TTC34: variants seen among roughly 807,000 people sequenced by gnomAD.
TTC34 encodes tetratricopeptide repeat domain 34.
Under a neutral mutation model 40.7 loss-of-function variants are expected in TTC34, and 44 were observed. The observed-to-expected ratio is 1.08, with a 90% CI of 0.85 to 1.39. The LOEUF (loss-of-function observed/expected upper bound fraction) is 1.39, where lower values mean the gene tolerates loss of function less well. Among genes scored for constraint, TTC34 ranks in the 40% most tolerant of loss-of-function variants. TTC34 has a pLI of 0.00. For synonymous variants in TTC34, 422 were observed against 398.6 expected (o/e 1.06, Z -0.70); for missense variants, 884 against 838.0 (o/e 1.05, Z -0.68).
chr1:2,749,516 ACC>A (rs1641248580), intron 6 of TTC34, among the ~76,000 whole-genome samples: 1 of 59,686 alleles, frequency 1.7e-5, no homozygotes, highest in Admixed American at 1.7e-4. Flanking sequence ...CTGGAGCAGC[ACC>A]CAGATTCCCA....
chr1:2,759,656 AC>A (rs1641627306), intron 6 of TTC34, among the ~76,000 whole-genome samples: 1 of 151,342 alleles, frequency 6.6e-6, no homozygotes, highest in African/African-American at 2.4e-5. Context: ...TGAGCATTCG[AC>A]AGCCTGGAGC....
intron 3 of TTC34, 122 bp downstream of exon 3, chr1:2,789,381 G>T (rs1643633572): frequency 2.0e-6 from 2 of 993,498 alleles, no homozygotes; most frequent in East Asian, 6.4e-5. Context: ...CGGGTGCTTT[G>T]GGAAGTCACC....
At chr1:2,784,369 A>G (rs754195714) in intron 5 of TTC34, among the ~76,000 whole-genome samples, 42 of 152,334 alleles carry the variant, frequency 2.8e-4, no homozygotes, top group Non-Finnish European at 5.3e-4. Context: ...GTATGGGAGG[A>G]ACATGAAAGT....
At position 2,748,494 on chromosome 1, in the gene TTC34, T is replaced by A. The variant is rs1184473223; in HGVS notation, c.2226+35115A>T. 1.8e-3 allele frequency among the ~76,000 whole-genome samples: 237 copies of A among 134,834 alleles called. 3 individuals are homozygous for A. The highest frequency in any genetic ancestry group is 5.2e-3 in the African/African-American group (189 of 36,078). The allele number at this position is 134,834 out of a possible 152,430, so 88.5% of individuals were successfully genotyped here. A position where few individuals can be genotyped will look rare whatever the true frequency, so the allele number is the denominator to read the frequency against. Reference sequence around the variant, plus strand: ...AGCACCCCACATCCCCGGGTGAGCATCCGATAGCCTGGAGCAGCACCCACA... The same window carrying A: ...AGCACCCCACATCCCCGGGTGAGCAACCGATAGCCTGGAGCAGCACCCACA... On this transcript the variant is annotated intron_variant, in intron 6 of 8. Transcript: ENST00000401095.
At chr1:2,692,985 G>C (rs1224534955) in intron 6 of TTC34, among the ~76,000 whole-genome samples, 2 of 40,786 alleles carry the variant, frequency 4.9e-5, no homozygotes, top group Non-Finnish European at 1.0e-4. Context: ...AGCACCCACA[G>C]ACCAAGGTGA....
At chr1:2,753,234 C>T (rs1319090157) in intron 6 of TTC34, among the ~76,000 whole-genome samples, 18 of 123,274 alleles carry the variant, frequency 1.5e-4, no homozygotes, top group African/African-American at 5.2e-4. Flanking sequence ...GAGCATCTGA[C>T]AGCCTGGAGC....
chr1:2,693,228 A>C (rs1167120602), intron 6 of TTC34, among the ~76,000 whole-genome samples: 65 of 86,166 alleles, frequency 7.5e-4, no homozygotes, highest in South Asian at 1.2e-3. Context: ...ACCCACACCC[A>C]CAGGTGAGCA....
chr1:2,645,808 G>T lies in TTC34; in HGVS notation c.2227-245C>A, dbSNP rs1240013935. On this transcript the variant is annotated intron_variant, in intron 6 of 8. Transcript: ENST00000401095. The surrounding 1 kb of genome is among the most constrained non-coding windows in gnomAD (Gnocchi z 4.7). ...CTCACTGACCTTGACTCTGAAAGTT[G>T]TCAGGCTCAGAACCCCTTTTCTGAG... Among the ~76,000 whole-genome samples the T allele has an allele frequency of 6.6e-6, 1 of 152,130 alleles. No homozygotes were observed. The highest frequency in any genetic ancestry group is 1.5e-5 in the Non-Finnish European group (1 of 68,014).
intron 6 of TTC34, among the ~76,000 whole-genome samples, chr1:2,681,828 C>T (rs1366114283): frequency 1.6e-5 from 2 of 123,132 alleles, no homozygotes; most frequent in South Asian, 5.4e-4. Flanking sequence ...CCGACACCCA[C>T]AGGTGAGCAT....
intron 6 of TTC34, chr1:2,775,225 A>C (rs1295093387): frequency 6.8e-6 from 1 of 147,008 alleles, no homozygotes; most frequent in African/African-American, 2.6e-5. Context: ...AACAGCATCC[A>C]CACCCCCAGG....
At chr1:2,785,508 A>T (rs1643571272) in intron 5 of TTC34, among the ~76,000 whole-genome samples, 1 of 152,130 alleles carries the variant, frequency 6.6e-6, no homozygotes. Context: ...CCTTGTCATT[A>T]GCTAGGAAAG....
exon 9 of TTC34, chr1:2,641,318 C>T: frequency 5.5e-6 from 8 of 1,449,184 alleles, no homozygotes; most frequent in Non-Finnish European, 7.3e-6. Context: ...ACATCAGGTG[C>T]AGATGCTAGG....
intron 6 of TTC34, among the ~76,000 whole-genome samples, chr1:2,773,336 A>C (rs1303851376): frequency 2.5e-5 from 2 of 79,522 alleles, no homozygotes; most frequent in Non-Finnish European, 5.2e-5. Context: ...CAGCGTCCAC[A>C]CCCCCAGGTG....
rs1414379105 is a variant in TTC34 at position 2,645,079 on chromosome 1, G to A, written c.2497+214C>T. 6.6e-6 allele frequency among the ~76,000 whole-genome samples: 1 copy of A among 152,192 alleles called. No individual in the cohort carries two copies. Among genetic ancestry groups the A allele is most frequent in the Non-Finnish European group, 1.5e-5 (1 of 68,034 alleles). On this transcript the variant is annotated intron_variant, in intron 7 of 8. Coordinates refer to ENST00000401095, the Ensembl canonical transcript of TTC34. This position sits in a 1 kb window ranked among gnomAD's most constrained non-coding sequence, Gnocchi z 4.7. ...CGGTTTCTCCTCCATTGCAAGCAAA[G>A]AGCCACCCGGGTAAAGCAGAGGAGA... is the stretch of plus-strand genomic sequence containing the variant.
intron 6 of TTC34, among the ~76,000 whole-genome samples, chr1:2,777,360 G>A (rs1334529300): frequency 4.6e-5 from 7 of 150,616 alleles, no homozygotes; most frequent in African/African-American, 1.7e-4. Flanking sequence ...TGACAGCCTG[G>A]AGCAACACCC....
intron 6 of TTC34, among the ~76,000 whole-genome samples, chr1:2,684,894 A>G (rs1640253597): frequency 8.4e-6 from 1 of 119,486 alleles, no homozygotes; most frequent in Non-Finnish European, 1.6e-5. Flanking sequence ...TGAGCATCTG[A>G]CAGCCTGGAA....
chr1:2,750,214 G>A (rs1641269599), intron 6 of TTC34, among the ~76,000 whole-genome samples: 106 of 152,088 alleles, frequency 7.0e-4, no homozygotes, highest in Non-Finnish European at 1.2e-3. Flanking sequence ...CCCCAGGTGC[G>A]CATCTGATGG....
intron 2 of TTC34, among the ~76,000 whole-genome samples, chr1:2,793,437 G>A (rs6687680): frequency 0.36 from 54,380 of 151,858 alleles, 10,630 homozygotes; most frequent in Non-Finnish European, 0.44. Flanking sequence ...TTTGTGGATC[G>A]TCTTTATTTT....
In TTC34 at chr1:2,645,401, CGA is replaced by C; in HGVS notation, c.2387_2388del (p.Leu796ArgfsTer162). 6.5e-7 allele frequency: 1 copy of C among 1,535,696 alleles called. No homozygotes were observed. Among genetic ancestry groups the C allele is most frequent in the African/African-American group, 1.4e-5 (1 of 73,120 alleles). ...AGGAGGCCCTGGGTGTCCTTGTCCT[CGA>C]GAGGGGCCCCAGTGTCTGGCAGCTG... On this transcript the variant is annotated frameshift_variant, in exon 7 of 9. Coordinates refer to ENST00000401095, the Ensembl canonical transcript of TTC34. LOFTEE classifies it high-confidence loss of function. The surrounding 1 kb of genome is among the most constrained non-coding windows in gnomAD (Gnocchi z 4.7).
Sources: allele counts gnomAD v4.1 joint callset (sites outside exome capture counted in the v4.1 genomes callset), GRCh38; gene constraint gnomAD v4.1.1; non-coding constraint Gnocchi (gnomAD v3.1); transcripts MANE v1.5; gene names NCBI Gene and HGNC (gene_info 2026-07-23, HGNC 2026-07-21).